The following KLHL42 variants were observed in gnomAD, a reference collection of about 807,000 sequenced individuals.
The protein encoded by KLHL42 is kelch-like protein 42.
KLHL42 carries 27 observed loss-of-function variants against 32.7 expected under a neutral mutation model. The observed-to-expected ratio is 0.83, with a 90% CI of 0.61 to 1.14. KLHL42 has a LOEUF of 1.14. KLHL42 is among the 50% of genes most tolerant of loss of function. KLHL42 has a pLI of 0.00. For synonymous variants in KLHL42, 267 were observed against 248.2 expected (o/e 1.08, Z -0.71); for missense variants, 491 against 560.8 (o/e 0.88, Z 1.26).
At chr12:27,786,649 C>G (rs2062172991) in intron 1 of KLHL42, among the ~76,000 whole-genome samples, 1 of 151,242 alleles carries the variant, frequency 6.6e-6, no homozygotes, top group Non-Finnish European at 1.5e-5. Flanking sequence ...TAGAGCAGTT[C>G]ACTTTTCCCA....
intron 2 of KLHL42, among the ~76,000 whole-genome samples, chr12:27,794,695 T>C (rs1189490252): frequency 6.6e-6 from 1 of 152,078 alleles, no homozygotes; most frequent in Admixed American, 6.5e-5. Flanking sequence ...ATTCACAGGT[T>C]CTGGGGATTA....
Sources: gnomAD v4.1 joint callset for allele counts (sites outside exome capture counted in the v4.1 genomes callset) on GRCh38, gnomAD v4.1.1 for gene constraint, MANE v1.5 for transcripts, NCBI Gene and HGNC (gene_info 2026-07-23, HGNC 2026-07-21) for gene names.